The following DPH6 variants were observed in gnomAD, a reference collection of about 807,000 sequenced individuals.
DPH6 encodes diphthine--ammonia ligase.
Under a neutral mutation model 38.2 loss-of-function variants are expected in DPH6, and 33 were observed. The observed-to-expected ratio is 0.86, with a 90% CI of 0.65 to 1.15. The LOEUF (loss-of-function observed/expected upper bound fraction) is 1.15, where lower values mean the gene tolerates loss of function less well. Among genes scored for constraint, DPH6 ranks in the 50% most tolerant of loss-of-function variants. The pLI, the probability that DPH6 is intolerant of heterozygous loss-of-function variation, is 0.00. For missense variants in DPH6, 325 were observed against 320.0 expected (o/e 1.02, Z -0.12); for synonymous variants, 108 against 103.0 (o/e 1.05, Z -0.30).
chr15:35,453,294 T>C (rs1257727670), intron 4 of DPH6, among the ~76,000 whole-genome samples: 1 of 151,938 alleles, frequency 6.6e-6, no homozygotes, highest in Non-Finnish European at 1.5e-5. Flanking sequence ...CATATATATA[T>C]ACACATATAT....
At chr15:35,404,972 T>C (rs2053272004) in intron 6 of DPH6, among the ~76,000 whole-genome samples, 2 of 152,134 alleles carry the variant, frequency 1.3e-5, no homozygotes, top group African/African-American at 4.8e-5. Context: ...CATAATTTAT[T>C]GAAGAGATTG....
At chr15:35,310,780 T>C (rs893000186) in intron 3 of DPH6, among the ~76,000 whole-genome samples, 5 of 151,992 alleles carry the variant, frequency 3.3e-5, no homozygotes, top group African/African-American at 9.7e-5. Flanking sequence ...CCGAGTGTGG[T>C]GGCTCACGCC....
chr15:35,391,254 T>TG (rs1001987543), intron 6 of DPH6, among the ~76,000 whole-genome samples: 1 of 152,148 alleles, frequency 6.6e-6, no homozygotes, highest in African/African-American at 2.4e-5. Context: ...CCGCCCCTAC[T>TG]GGGGGGTGCC....
At chr15:35,219,209 C>T (rs2051427912) in exon 4 of DPH6, 1 of 152,108 alleles carries the variant, frequency 6.6e-6, no homozygotes, top group African/African-American at 2.4e-5. Flanking sequence ...GAAATGCAGC[C>T]ATAATTTGTA....
intron 3 of DPH6, among the ~76,000 whole-genome samples, chr15:35,478,112 T>G (rs1392671713): frequency 6.6e-6 from 1 of 151,864 alleles, no homozygotes; most frequent in African/African-American, 2.4e-5. Context: ...TAAAAAATTA[T>G]CAGTAACTCA....
chr15:35,373,432 T>C (rs1845852342), intron 8 of DPH6, 89 bp downstream of exon 8: 3 of 1,112,216 alleles, frequency 2.7e-6, no homozygotes, highest in African/African-American at 1.6e-5. Context: ...CTTTTTCCTG[T>C]CATCTGTTGT....
chr15:35,435,448 G>A (rs761541314), intron 5 of DPH6, among the ~76,000 whole-genome samples: 4 of 152,310 alleles, frequency 2.6e-5, no homozygotes, highest in Non-Finnish European at 5.9e-5. Context: ...TTTTGCCTGG[G>A]CATGCCTGCA....
At chr15:35,475,896 T>C (rs1342130136) in intron 3 of DPH6, among the ~76,000 whole-genome samples, 4 of 151,718 alleles carry the variant, frequency 2.6e-5, no homozygotes, top group Non-Finnish European at 4.4e-5. Flanking sequence ...CTCAAGAAGC[T>C]TATATATAGC....
the DPH6 span, among the ~76,000 whole-genome samples, chr15:35,182,628 G>C: frequency 6.6e-6 from 1 of 152,094 alleles, no homozygotes; most frequent in African/African-American, 2.4e-5. Context: ...TTGAAGTGAG[G>C]AACAAAGGAA....
At chr15:35,466,087 G>A (rs2054122541) in intron 3 of DPH6, among the ~76,000 whole-genome samples, 1 of 152,114 alleles carries the variant, frequency 6.6e-6, no homozygotes, top group Non-Finnish European at 1.5e-5. Flanking sequence ...TTCACACCCA[G>A]CTACTCTGGA....
intron 6 of DPH6, among the ~76,000 whole-genome samples, chr15:35,406,833 A>G (rs2053300076): frequency 6.6e-6 from 1 of 152,042 alleles, no homozygotes; most frequent in South Asian, 2.1e-4. Context: ...AGCTGAATAC[A>G]TATACATGTC....
At chr15:35,275,741 T>A (rs1222073215) in intron 3 of DPH6, among the ~76,000 whole-genome samples, 1 of 152,006 alleles carries the variant, frequency 6.6e-6, no homozygotes, top group Non-Finnish European at 1.5e-5. Context: ...ATAATATTAG[T>A]CTTCAATCTC....
At chr15:35,417,591 CAAG>C (rs1177797704) in intron 5 of DPH6, among the ~76,000 whole-genome samples, 7 of 152,008 alleles carry the variant, frequency 4.6e-5, no homozygotes, top group Admixed American at 4.6e-4. Flanking sequence ...ACTTTACCAA[CAAG>C]AAGAACCCAC....
chr15:35,271,040 A>C (rs1020843717), intron 3 of DPH6, among the ~76,000 whole-genome samples: 12 of 152,214 alleles, frequency 7.9e-5, no homozygotes, highest in African/African-American at 2.4e-4. Flanking sequence ...CTAATCAGAT[A>C]GAGAGGATTT....
chr15:35,257,331 C>T (rs200116523), intron 3 of DPH6, among the ~76,000 whole-genome samples: 24 of 152,256 alleles, frequency 1.6e-4, no homozygotes, highest in East Asian at 1.5e-3. Flanking sequence ...CCACATCTGG[C>T]AGTTGCTTAC....
At chr15:35,163,754 T>C in the DPH6 span, among the ~76,000 whole-genome samples, 14 of 151,854 alleles carry the variant, frequency 9.2e-5, no homozygotes, top group African/African-American at 3.4e-4. Context: ...TGTAATGACA[T>C]GCTAGGACAA....
chr15:35,299,111 C>A, intron 3 of DPH6: 1 of 895,220 alleles, frequency 1.1e-6, no homozygotes. Flanking sequence ...TCTGGCGTTT[C>A]ACTACTTTCT....
At chr15:35,308,647 C>T (rs1045786073) in intron 3 of DPH6, among the ~76,000 whole-genome samples, 4 of 152,078 alleles carry the variant, frequency 2.6e-5, no homozygotes, top group Non-Finnish European at 5.9e-5. Context: ...ATTCTTTCTT[C>T]TTTATATGCC....
intron 5 of DPH6, among the ~76,000 whole-genome samples, chr15:35,412,239 A>C (rs971715205): frequency 2.0e-5 from 3 of 151,848 alleles, no homozygotes; most frequent in Non-Finnish European, 2.9e-5. Context: ...GCATATGAAA[A>C]GATCCTCCAC....
Sources: gnomAD v4.1 joint callset for allele counts (sites outside exome capture counted in the v4.1 genomes callset) on GRCh38, gnomAD v4.1.1 for gene constraint, MANE v1.5 for transcripts, NCBI Gene and HGNC (gene_info 2026-07-23, HGNC 2026-07-21) for gene names.